The following PBX1 variants were observed in gnomAD, a reference collection of about 807,000 sequenced individuals.
PBX1 encodes PBX homeobox 1, also known as pre-B-cell leukemia transcription factor 1.
Under a neutral mutation model 53.4 loss-of-function variants are expected in PBX1, and 6 were observed. That is an observed-to-expected ratio of 0.11 (90% CI 0.06 to 0.22). The LOEUF (loss-of-function observed/expected upper bound fraction) is 0.22. Ranked by LOEUF, PBX1 falls within the 10% of genes least tolerant of loss-of-function variation. The pLI, the probability that PBX1 is intolerant of heterozygous loss-of-function variation, is 1.00. For missense variants in PBX1, 251 were observed against 551.4 expected (o/e 0.46, Z 5.46); for synonymous variants, 204 against 212.3 (o/e 0.96, Z 0.34).
chr1:164,603,929 A>ATTT lies in PBX1; in HGVS notation c.265+40649_265+40651dup, dbSNP rs71583414. Reference sequence around the variant, plus strand: ...GACACTCTGTACATTATGTCATTTCATTTTTTTTTTTTTTTTTTTTTTTTT... The same window carrying ATTT: ...GACACTCTGTACATTATGTCATTTCATTTTTTTTTTTTTTTTTTTTTTTTTTTT... On this transcript the variant is annotated intron_variant, in intron 2 of 8. Coordinates refer to ENST00000420696, the MANE Select transcript of PBX1 (RefSeq NM_002585.4). Among the ~76,000 whole-genome samples the ATTT allele has an allele frequency of 6.2e-3, 468 of 75,704 alleles. 108 individuals carry two copies. The highest frequency in any genetic ancestry group is 0.018 in the African/African-American group (295 of 16,192). 49.7% of individuals were successfully genotyped at this position (75,704 alleles called of 152,430 possible).
At chr1:164,625,898 T>C in intron 2 of PBX1, 1 of 1,015,580 alleles carries the variant, frequency 9.8e-7, no homozygotes, top group Middle Eastern at 4.6e-4. Flanking sequence ...CTATTCTGCA[T>C]AATAGGTCTT....
At chr1:164,801,149 T>C (rs964293465) in intron 4 of PBX1, among the ~76,000 whole-genome samples, 3 of 152,180 alleles carry the variant, frequency 2.0e-5, no homozygotes, top group Admixed American at 2.0e-4. Context: ...TAGAATTCCA[T>C]AGAATAAGTC....
chr1:164,804,038 A>G (rs1669215108), intron 4 of PBX1, among the ~76,000 whole-genome samples: 1 of 152,168 alleles, frequency 6.6e-6, no homozygotes, highest in African/African-American at 2.4e-5. Flanking sequence ...ATATTATTGT[A>G]CATTGTTATA....
intron 2 of PBX1, among the ~76,000 whole-genome samples, chr1:164,636,371 C>T (rs1357810310): frequency 1.3e-5 from 2 of 152,154 alleles, no homozygotes; most frequent in Non-Finnish European, 2.9e-5. Context: ...GAACAAGGTG[C>T]ATGAGCCCAG....
chr1:164,654,817 TATTC>T (rs1660051450), intron 2 of PBX1, among the ~76,000 whole-genome samples: 2 of 152,356 alleles, frequency 1.3e-5, no homozygotes, highest in South Asian at 4.1e-4. Flanking sequence ...AGCATTTCTC[TATTC>T]ATTCAGCAGC....
chr1:164,861,743 G>T (rs999969088), intron 2 of PBX1, among the ~76,000 whole-genome samples: 1 of 152,192 alleles, frequency 6.6e-6, no homozygotes, highest in Non-Finnish European at 1.5e-5. Context: ...GACTAAAAAG[G>T]TGATTTTGAG....
At chr1:164,662,402 A>G (rs942877954) in intron 2 of PBX1, among the ~76,000 whole-genome samples, 2 of 152,184 alleles carry the variant, frequency 1.3e-5, no homozygotes, top group Admixed American at 1.3e-4. Context: ...TCTAGGAGAC[A>G]GGGTGTAGGC....
intron 2 of PBX1, among the ~76,000 whole-genome samples, chr1:164,779,513 CAG>C (rs369094534): frequency 3.8e-4 from 58 of 152,248 alleles, no homozygotes; most frequent in African/African-American, 1.3e-3. Flanking sequence ...ACCAGTCTGG[CAG>C]AGTCAAACAG....
intron 2 of PBX1, among the ~76,000 whole-genome samples, chr1:164,647,626 A>C (rs926152120): frequency 6.6e-6 from 1 of 152,124 alleles, no homozygotes; most frequent in South Asian, 2.1e-4. Context: ...ATTTTTTTTA[A>C]TGTTATGCAT....
At chr1:164,646,194 A>G (rs1659443312) in intron 2 of PBX1, among the ~76,000 whole-genome samples, 1 of 152,212 alleles carries the variant, frequency 6.6e-6, no homozygotes, top group Admixed American at 6.5e-5. Flanking sequence ...GGAGCAGAAG[A>G]ATGAAGGGGA....
At chr1:164,696,290 G>C (rs948142551) in intron 2 of PBX1, among the ~76,000 whole-genome samples, 1 of 152,034 alleles carries the variant, frequency 6.6e-6, no homozygotes, top group African/African-American at 2.4e-5. Flanking sequence ...GACAGAGCCT[G>C]GTAACCACCT....
intron 2 of PBX1, among the ~76,000 whole-genome samples, chr1:164,749,642 T>C (rs964805081): frequency 6.6e-6 from 1 of 152,116 alleles, no homozygotes; most frequent in East Asian, 1.9e-4. Flanking sequence ...ACAAAAAAAC[T>C]TTTTAGAAGT....
intron 2 of PBX1, among the ~76,000 whole-genome samples, chr1:164,715,114 C>T (rs1664012372): frequency 6.6e-6 from 1 of 151,934 alleles, no homozygotes; most frequent in South Asian, 2.1e-4. Context: ...CACAGAGCTG[C>T]TCAATAAATG....
chr1:164,732,216 C>T lies in PBX1; in HGVS notation c.266-60278C>T, dbSNP rs118062702. On this transcript the variant is annotated intron_variant, in intron 2 of 8. Coordinates refer to ENST00000420696, the MANE Select transcript of PBX1 (RefSeq NM_002585.4). ...CACAGGTAATTGGAACAGAAATAAA[C>T]TTCTCTTTTTAAAACATGGTCTTAT... Among the ~76,000 whole-genome samples the T allele has an allele frequency of 3.0e-3, 455 of 152,240 alleles. 7 individuals carry two copies. In the East Asian group the frequency reaches 0.063, roughly 21 times the overall value.
chr1:164,690,996 C>T (rs1052409880), intron 2 of PBX1, among the ~76,000 whole-genome samples: 6 of 143,154 alleles, frequency 4.2e-5, no homozygotes, highest in South Asian at 2.3e-4. Flanking sequence ...GTAAAGTGAT[C>T]AAGAGTTGTT....
intron 2 of PBX1, among the ~76,000 whole-genome samples, chr1:164,701,567 C>T (rs1230077655): frequency 1.3e-5 from 2 of 152,166 alleles, no homozygotes; most frequent in African/African-American, 4.8e-5. Flanking sequence ...GAATCCCATG[C>T]CTGTGGTACT....
At chr1:164,832,620 GTAATA>G (rs1370220819) in intron 8 of PBX1, among the ~76,000 whole-genome samples, 10 of 151,906 alleles carry the variant, frequency 6.6e-5, no homozygotes, top group South Asian at 2.1e-4. Context: ...GCCTGCAAGG[GTAATA>G]TAATATAAAT....
chr1:164,865,277 G>A (rs1672191173), intron 2 of PBX1, among the ~76,000 whole-genome samples: 1 of 152,164 alleles, frequency 6.6e-6, no homozygotes, highest in South Asian at 2.1e-4. Flanking sequence ...CGTTTATGCT[G>A]CCCTAAAGCA....
intron 2 of PBX1, among the ~76,000 whole-genome samples, chr1:164,576,060 A>G (rs1158522835): frequency 6.6e-6 from 1 of 152,244 alleles, no homozygotes; most frequent in African/African-American, 2.4e-5. Context: ...CGTTCAGACC[A>G]CGTAGAAAAG....
Sources: allele counts gnomAD v4.1 joint callset (sites outside exome capture counted in the v4.1 genomes callset), GRCh38; gene constraint gnomAD v4.1.1; transcripts MANE v1.5; gene names NCBI Gene and HGNC (gene_info 2026-07-23, HGNC 2026-07-21).